The following AGBL1 variants were observed in gnomAD, a reference collection of about 807,000 sequenced individuals.
AGBL1 encodes the protein cytosolic carboxypeptidase 4.
Under a neutral mutation model 118.9 loss-of-function variants are expected in AGBL1, and 130 were observed. The ratio of observed to expected loss-of-function variants is 1.09; its 90% CI spans 0.95 to 1.26. AGBL1 has a LOEUF of 1.26. AGBL1 is among the 50% of genes most tolerant of loss of function. The pLI, the probability that AGBL1 is intolerant of heterozygous loss-of-function variation, is 0.00. For synonymous variants in AGBL1, 555 were observed against 478.9 expected, an observed-to-expected ratio of 1.16 and a Z score of -2.08; for missense variants, 1,584 against 1,298.1, an observed-to-expected ratio of 1.22 and a Z score of -3.38.
chr15:86,169,902 A>G (rs1178203016), intron 5 of AGBL1, among the ~76,000 whole-genome samples: 1 of 152,194 alleles, frequency 6.6e-6, no homozygotes, highest in Non-Finnish European at 1.5e-5. Flanking sequence ...TTCCAAGTAA[A>G]TTAGCTGCAT....
intron 22 of AGBL1, among the ~76,000 whole-genome samples, chr15:86,698,777 C>G (rs1277770607): frequency 6.6e-6 from 1 of 151,766 alleles, no homozygotes; most frequent in Non-Finnish European, 1.5e-5. Flanking sequence ...GGTTCTGGAA[C>G]AAGACGTGAA....
At chr15:86,681,633 G>A (rs996328774) in intron 22 of AGBL1, among the ~76,000 whole-genome samples, 1 of 152,166 alleles carries the variant, frequency 6.6e-6, no homozygotes, top group South Asian at 2.1e-4. Flanking sequence ...TGAATCATGA[G>A]AGCTCTATCA....
intron 16 of AGBL1, among the ~76,000 whole-genome samples, chr15:86,286,627 T>C (rs2079452763): frequency 6.6e-6 from 1 of 151,564 alleles, no homozygotes. Flanking sequence ...TCCATGTTGT[T>C]GCAAATGACA....
chr15:86,431,033 G>A (rs1187358076), intron 18 of AGBL1, among the ~76,000 whole-genome samples: 1 of 152,164 alleles, frequency 6.6e-6, no homozygotes, highest in Admixed American at 6.5e-5. Context: ...TTACCAAGTG[G>A]CGGAGCTGGG....
chr15:86,668,738 G>A (rs2085690124), intron 21 of AGBL1, among the ~76,000 whole-genome samples: 1 of 152,146 alleles, frequency 6.6e-6, no homozygotes, highest in Non-Finnish European at 1.5e-5. Context: ...AAGGTTTGAG[G>A]ATTGATTTGG....
chr15:86,710,209 C>T (rs2086532455), intron 22 of AGBL1, among the ~76,000 whole-genome samples: 1 of 152,126 alleles, frequency 6.6e-6, no homozygotes, highest in Admixed American at 6.6e-5. Context: ...CCTTCAGATG[C>T]ATTACAATGC....
intron 18 of AGBL1, among the ~76,000 whole-genome samples, chr15:86,515,823 G>T (rs995327765): frequency 6.6e-6 from 1 of 152,186 alleles, no homozygotes; most frequent in Non-Finnish European, 1.5e-5. Flanking sequence ...AATTTAAAAA[G>T]TTTGTTTTGG....
intron 17 of AGBL1, among the ~76,000 whole-genome samples, chr15:86,307,579 A>G (rs1435586179): frequency 1.3e-5 from 2 of 152,130 alleles, no homozygotes; most frequent in Non-Finnish European, 1.5e-5. Flanking sequence ...TTGCATAGCT[A>G]TTAAATATGG....
chr15:86,650,975 G>C (rs2085359728), intron 21 of AGBL1, among the ~76,000 whole-genome samples: 1 of 152,170 alleles, frequency 6.6e-6, no homozygotes, highest in African/African-American at 2.4e-5. Flanking sequence ...AAATCCCTTA[G>C]CACTTCTTGG....
At chr15:86,492,678 C>G (rs987035406) in intron 18 of AGBL1, among the ~76,000 whole-genome samples, 2 of 151,078 alleles carry the variant, frequency 1.3e-5, no homozygotes, top group South Asian at 2.1e-4. Context: ...AATAGGAAAC[C>G]ATTGATGAGT....
intron 7 of AGBL1, among the ~76,000 whole-genome samples, chr15:86,248,470 A>G (rs1341258196): frequency 6.6e-6 from 1 of 152,238 alleles, no homozygotes; most frequent in Non-Finnish European, 1.5e-5. Context: ...TTCAAATCCT[A>G]GCTCTAGGGC....
chr15:86,486,209 A>G (rs929014135), intron 18 of AGBL1, among the ~76,000 whole-genome samples: 5 of 152,086 alleles, frequency 3.3e-5, no homozygotes, highest in Admixed American at 6.6e-5. Flanking sequence ...CAAATTCTCT[A>G]TAAGGCTTCA....
chr15:87,012,118 G>T (rs11852282), intron 24 of AGBL1, among the ~76,000 whole-genome samples: 1 of 151,620 alleles, frequency 6.6e-6, no homozygotes, highest in South Asian at 2.1e-4. Context: ...AATAGGCTCA[G>T]GTATGCTCTG....
At chr15:86,303,492 A>G (rs2079787199) in intron 17 of AGBL1, among the ~76,000 whole-genome samples, 1 of 152,134 alleles carries the variant, frequency 6.6e-6, no homozygotes, top group South Asian at 2.1e-4. Flanking sequence ...GCCAACAAAG[A>G]ATATGTGAAA....
Position 86,600,821 on chromosome 15 carries a change from TC to T in AGBL1, c.2994+46285del, listed in dbSNP as rs1473477818. Reference sequence around the variant, plus strand: ...AAGAGAGAAAAATGGGCTGACTTGTTCTTTCAGTGGCACAGTTCCAAAGCAT... The same window carrying T: ...AAGAGAGAAAAATGGGCTGACTTGTTTTTCAGTGGCACAGTTCCAAAGCAT... On this transcript the variant is annotated intron_variant, in intron 21 of 22. Coordinates refer to ENST00000614907, the MANE Select transcript of AGBL1 (RefSeq NM_001386094.1). Among the ~76,000 whole-genome samples the T allele has an allele frequency of 4.6e-5, 7 of 152,150 alleles. 1 individual carries two copies. In the East Asian group the frequency reaches 1.3e-3, roughly 29 times the overall value.
rs530676096 is a variant in AGBL1, at chr15:86,843,652, A to G, written c.3159-63435A>G. 9.8e-5 allele frequency among the ~76,000 whole-genome samples: 15 copies of G among 152,328 alleles called. No individual in the cohort carries two copies. In the South Asian group the frequency reaches 3.1e-3, roughly 32 times the overall value. ...CAACCTTAATTACATGTCTGCTTGA[A>G]TTAAAGACTTGTAACTGAATTTGAT... is the stretch of plus-strand genomic sequence containing the variant. On this transcript the variant is annotated intron_variant, in intron 22 of 22. Transcript: ENST00000614907.
chr15:86,760,234 C>G (rs1483661092), intron 22 of AGBL1, among the ~76,000 whole-genome samples: 1 of 152,048 alleles, frequency 6.6e-6, no homozygotes, highest in Non-Finnish European at 1.5e-5. Flanking sequence ...CAGACTACCT[C>G]ATGACTAAAT....
Position 86,915,395 on chromosome 15 carries a change from T to A in AGBL1, c.*8101T>A, listed in dbSNP as rs1378686064. On this transcript the variant is annotated 3_prime_UTR_variant, in exon 23 of 23. Transcript: ENST00000614907. ...GCCACTACGTAATTTTCTGGTCTCT[T>A]CTCTTGACATCAGCCCCTGTTAAAG... The A allele has an allele frequency of 6.6e-6, 1 of 152,212 alleles. No individual in the cohort carries two copies. The highest frequency in any genetic ancestry group is 1.5e-5 in the Non-Finnish European group (1 of 68,058). The allele number at this position is 152,212 out of a possible 1,614,324, so 9.4% of individuals were successfully genotyped here. A position where few individuals can be genotyped will look rare whatever the true frequency, so the allele number is the denominator to read the frequency against.
chr15:86,090,523 A>G (rs1331966869), intron 1 of AGBL1, among the ~76,000 whole-genome samples: 1 of 152,114 alleles, frequency 6.6e-6, no homozygotes, highest in Non-Finnish European at 1.5e-5. Context: ...CTGCATACCA[A>G]TGTACTTGAA....
Sources: allele counts gnomAD v4.1 joint callset (sites outside exome capture counted in the v4.1 genomes callset), GRCh38; gene constraint gnomAD v4.1.1; transcripts MANE v1.5; gene names NCBI Gene and HGNC (gene_info 2026-07-23, HGNC 2026-07-21).